Variants in DMD observed in about 807,000 individuals in gnomAD.
DMD encodes the protein dystrophin.
In DMD, 63 loss-of-function variants were observed where a neutral mutation model predicts 330.1. That is an observed-to-expected ratio of 0.19 (90% CI 0.16 to 0.24). The LOEUF is 0.24. Among genes scored for constraint, DMD ranks in the 10% least tolerant of loss-of-function variants. The pLI is 1.00. For missense variants in DMD, 3,344 were observed against 2,684.1 expected (o/e 1.25, Z -5.43); for synonymous variants, 1,223 against 959.8 (o/e 1.27, Z -5.07).
chrX:32,205,043 C>CACA (rs1569550759), intron 44 of DMD, among the ~76,000 whole-genome samples: 57 of 33,471 alleles, frequency 1.7e-3, no homozygotes, highest in African/African-American at 3.2e-3. Context: ...ACACACACAC[C>CACA]CACACACACA....
At chrX:33,219,383 T>G (rs1284766741) in intron 1 of DMD, among the ~76,000 whole-genome samples, 2 of 101,016 alleles carry the variant, frequency 2.0e-5, no homozygotes, top group Non-Finnish European at 4.0e-5. Context: ...CTTGACACCA[T>G]CTTAATTCCC....
At position 32,021,890 on chromosome X, in the gene DMD, T is replaced by C. The variant is rs774731465; in HGVS notation, c.6439-53376A>G. Among the ~76,000 whole-genome samples, 4 of 111,847 alleles carry C rather than the reference T, an allele frequency of 3.6e-5. No homozygotes were observed. In the South Asian group the frequency reaches 1.5e-3, roughly 41 times the overall value. On this transcript the variant is annotated intron_variant, in intron 44 of 78. Coordinates refer to ENST00000357033, the MANE Select transcript of DMD (RefSeq NM_004006.3). ...TTTAAACACTCCCTGTAAACGTTTA[T>C]ATTGTGATATATTTCATAATAAAAA...
At chrX:32,871,468 G>A (rs996792072) in intron 2 of DMD, among the ~76,000 whole-genome samples, 2 of 110,867 alleles carry the variant, frequency 1.8e-5, no homozygotes, top group African/African-American at 3.3e-5. Context: ...TTCCTCAAGC[G>A]TGCTACTATA....
intron 63 of DMD, among the ~76,000 whole-genome samples, chrX:31,259,054 C>G (rs1247509044): frequency 9.0e-6 from 1 of 111,242 alleles, no homozygotes; most frequent in Non-Finnish European, 1.9e-5. Flanking sequence ...CCAGCTAACT[C>G]TAAGAAGTGG....
chrX:31,214,291 T>C (rs749999156), intron 64 of DMD, among the ~76,000 whole-genome samples: 23 of 112,155 alleles, frequency 2.1e-4, no homozygotes, highest in Admixed American at 9.4e-4. Flanking sequence ...GAACTGGGGC[T>C]ACAATTAAGA....
At chrX:32,595,115 G>T (rs808544) in intron 13 of DMD, among the ~76,000 whole-genome samples, 1 of 110,623 alleles carries the variant, frequency 9.0e-6, no homozygotes, top group East Asian at 2.9e-4. Context: ...AGCCATTAAA[G>T]GGGTATGCAA....
chrX:33,133,032 A>T (rs760960747), intron 1 of DMD, among the ~76,000 whole-genome samples: 13 of 111,951 alleles, frequency 1.2e-4, no homozygotes, highest in Non-Finnish European at 2.4e-4. Context: ...TAAGCCTTTG[A>T]AGTGAAAAAC....
At chrX:32,087,084 T>C (rs1014661099) in intron 44 of DMD, among the ~76,000 whole-genome samples, 1 of 111,714 alleles carries the variant, frequency 9.0e-6, no homozygotes, top group African/African-American at 3.3e-5. Flanking sequence ...CCACTCCCTT[T>C]CTAATGACTA....
chrX:32,429,821 T>C, intron 29 of DMD, among the ~76,000 whole-genome samples: 1 of 110,916 alleles, frequency 9.0e-6, no homozygotes. Context: ...GTATTTTAGA[T>C]CAACATTATT....
intron 1 of DMD, among the ~76,000 whole-genome samples, chrX:33,268,757 A>T (rs1302430798): frequency 9.1e-6 from 1 of 109,607 alleles, no homozygotes; most frequent in East Asian, 2.9e-4. Flanking sequence ...TGAAACCCCG[A>T]CTCTAGTAAA....
At chrX:31,685,625 G>C (rs1486352620) in intron 52 of DMD, among the ~76,000 whole-genome samples, 1 of 112,401 alleles carries the variant, frequency 8.9e-6, no homozygotes, top group African/African-American at 3.2e-5. Context: ...AGAAGATGCT[G>C]TCAGGGCCCA....
At chrX:31,773,415 C>T (rs1752599525) in intron 51 of DMD, among the ~76,000 whole-genome samples, 1 of 111,763 alleles carries the variant, frequency 8.9e-6, no homozygotes, top group Non-Finnish European at 1.9e-5. Context: ...TAAATGCCAA[C>T]TTTAAGATCT....
chrX:31,371,863 T>G (rs2059591713), intron 60 of DMD, among the ~76,000 whole-genome samples: 2 of 112,413 alleles, frequency 1.8e-5, no homozygotes, highest in South Asian at 7.4e-4. Flanking sequence ...GGTACTGAAG[T>G]TGGACTGCCT....
chrX:32,137,726 A>T (rs1046568498), intron 44 of DMD, among the ~76,000 whole-genome samples: 3 of 110,748 alleles, frequency 2.7e-5, no homozygotes, highest in Non-Finnish European at 5.7e-5. Context: ...TTGGAGAAAC[A>T]AGAGTGCCTC....
intron 48 of DMD, among the ~76,000 whole-genome samples, chrX:31,866,976 A>AT (rs756883605): frequency 2.0e-3 from 226 of 110,810 alleles, no homozygotes; most frequent in African/African-American, 6.8e-3. Context: ...TCAACAGTGT[A>AT]TTGATCAAAA....
At chrX:33,151,396 T>G (rs764639509) in intron 1 of DMD, among the ~76,000 whole-genome samples, 123 of 112,888 alleles carry the variant, frequency 1.1e-3, no homozygotes, top group Middle Eastern at 4.6e-3. Flanking sequence ...CTGCTTTTCT[T>G]CAATTTAACT....
At chrX:32,629,481 A>C (rs1351406381) in intron 11 of DMD, among the ~76,000 whole-genome samples, 1 of 111,004 alleles carries the variant, frequency 9.0e-6, no homozygotes, top group Admixed American at 9.6e-5. Flanking sequence ...CTGTCACTCA[A>C]TGTATTTAGA....
intron 44 of DMD, among the ~76,000 whole-genome samples, chrX:32,203,372 G>A (rs1490530101): frequency 8.9e-6 from 1 of 112,338 alleles, no homozygotes; most frequent in Non-Finnish European, 1.9e-5. Context: ...CACTGCACAA[G>A]TAGTATTGTT....
intron 1 of DMD, among the ~76,000 whole-genome samples, chrX:33,257,877 A>C (rs1163095515): frequency 9.0e-6 from 1 of 110,600 alleles, no homozygotes; most frequent in Non-Finnish European, 1.9e-5. Flanking sequence ...AGCCTCAAAT[A>C]CCCTACTCAC....
Sources: allele counts gnomAD v4.1 joint callset (sites outside exome capture counted in the v4.1 genomes callset), GRCh38; gene constraint gnomAD v4.1.1; transcripts MANE v1.5; gene names NCBI Gene and HGNC (gene_info 2026-07-23, HGNC 2026-07-21).